RPS6KA5: variants seen among roughly 807,000 people sequenced by gnomAD.
The protein encoded by RPS6KA5 is ribosomal protein S6 kinase alpha-5.
Under a neutral mutation model 85.5 loss-of-function variants are expected in RPS6KA5, and 27 were observed. That is an observed-to-expected ratio of 0.32 (90% confidence interval 0.23 to 0.44). The LOEUF (loss-of-function observed/expected upper bound fraction) is 0.44, where lower values mean the gene tolerates loss of function less well. RPS6KA5 is among the 20% of genes least tolerant of loss of function. The pLI, the probability that RPS6KA5 is intolerant of heterozygous loss-of-function variation, is 1.00. For synonymous variants in RPS6KA5, 334 were observed against 348.2 expected (o/e 0.96, Z 0.46); for missense variants, 811 against 980.9 (o/e 0.83, Z 2.31).
At chr14:90,988,827 A>G (rs1433337798) in intron 2 of RPS6KA5, among the ~76,000 whole-genome samples, 1 of 152,138 alleles carries the variant, frequency 6.6e-6, no homozygotes, top group African/African-American at 2.4e-5. Context: ...AAATAAATAA[A>G]TAAATAAATA....
Position 90,906,188 on chromosome 14 carries a change from T to G in RPS6KA5, c.918A>C (p.Pro306=). Residue 306 remains proline, a synonymous_variant, in exon 8 of 17, where the codon CCA becomes CCC. Coordinates refer to ENST00000614987, the MANE Select transcript of RPS6KA5 (RefSeq NM_004755.4). ...GTTCTTTGATTTCATCTGCATCACGTGGACCACATCCCAATCTCTTCTTGG... is the reference window on the plus strand; with the variant it reads ...GTTCTTTGATTTCATCTGCATCACGGGGACCACATCCCAATCTCTTCTTGG... ...KDPKKRLGCG[P]RDADEIKEHL... is the part of the protein sequence containing the mutation. 1 of 1,612,366 alleles carries G rather than the reference T, an allele frequency of 6.2e-7. No individual in the cohort carries two copies. Among genetic ancestry groups the G allele is most frequent in the Non-Finnish European group, 8.5e-7 (1 of 1,178,736 alleles).
chr14:91,016,866 C>CAAAAAAA (rs34806962), intron 1 of RPS6KA5, among the ~76,000 whole-genome samples: 1 of 120,798 alleles, frequency 8.3e-6, no homozygotes. Flanking sequence ...TCTAAACAGG[C>CAAAAAAA]AAAAAAAAAA....
At chr14:90,971,053 C>T (rs2140453509) in intron 3 of RPS6KA5, among the ~76,000 whole-genome samples, 1 of 152,238 alleles carries the variant, frequency 6.6e-6, no homozygotes, top group African/African-American at 2.4e-5. Flanking sequence ...CACGGTGGCT[C>T]ATGCCTGGAA....
rs561985320 is a variant in RPS6KA5, at chr14:90,858,790, A to C, written c.*13284T>G. The C allele has an allele frequency of 6.6e-6, 1 of 152,350 alleles. No individual in the cohort carries two copies. Among genetic ancestry groups the C allele is most frequent in the African/African-American group, 2.4e-5 (1 of 41,588 alleles). 9.4% of individuals were successfully genotyped at this position (152,350 alleles called of 1,614,324 possible). ...CTTCTTCAAGGCACTGCAAATTCAC[A>C]ACACAGGGAAATAAATACCTAGCAG... is the stretch of plus-strand genomic sequence containing the variant. On this transcript the variant is annotated 3_prime_UTR_variant, in exon 17 of 17. Coordinates refer to ENST00000614987, the MANE Select transcript of RPS6KA5 (RefSeq NM_004755.4).
At chr14:91,020,359 C>A (rs565183145) in intron 1 of RPS6KA5, among the ~76,000 whole-genome samples, 13 of 152,064 alleles carry the variant, frequency 8.5e-5, no homozygotes, top group Non-Finnish European at 1.6e-4. Flanking sequence ...AATTTACATA[C>A]AATTTACATT....
Position 90,853,512 on chromosome 14 carries a change from C to T in RPS6KA5, c.*18562G>A, listed in dbSNP as rs1238364852. On this transcript the variant is annotated 3_prime_UTR_variant, in exon 17 of 17. Transcript: ENST00000614987. ...AAAAAAACCCAAAAACAAAACAAAG[C>T]ATCAATGGATGTTTTAAATACCTAA... is the stretch of plus-strand genomic sequence containing the variant. The T allele has an allele frequency of 6.6e-6, 1 of 151,408 alleles. No individual in the cohort carries two copies. The highest frequency in any genetic ancestry group is 2.4e-5 in the African/African-American group (1 of 41,284). 9.4% of individuals were successfully genotyped at this position (151,408 alleles called of 1,614,324 possible). A position where few individuals can be genotyped will look rare whatever the true frequency, so the allele number is the denominator to read the frequency against.
At chr14:90,982,117 G>A (rs1457607837) in intron 2 of RPS6KA5, among the ~76,000 whole-genome samples, 1 of 152,216 alleles carries the variant, frequency 6.6e-6, no homozygotes, top group Non-Finnish European at 1.5e-5. Context: ...ACTGGAACTG[G>A]TGGCAATATT....
At position 91,060,479 on chromosome 14, in the gene RPS6KA5, C is replaced by A; in HGVS notation, c.-45G>T. 7.4e-7 allele frequency: 1 copy of A among 1,343,488 alleles called. No individual in the cohort carries two copies. The highest frequency in any genetic ancestry group is 9.7e-7 in the Non-Finnish European group (1 of 1,035,824). 83.2% of individuals were successfully genotyped at this position (1,343,488 alleles called of 1,614,324 possible). On this transcript the variant is annotated 5_prime_UTR_variant, in exon 1 of 17. Coordinates refer to ENST00000614987, the MANE Select transcript of RPS6KA5 (RefSeq NM_004755.4). ...CCCGCGGGTCGCTACGAGGGGAACC[C>A]AGGAGACAGCGGACGCCCGTCCCCT... is the stretch of plus-strand genomic sequence containing the variant.
chr14:91,060,132 A>C, intron 1 of RPS6KA5, 200 bp downstream of exon 1: 1 of 984,860 alleles, frequency 1.0e-6, no homozygotes, highest in Non-Finnish European at 1.2e-6. Context: ...GCTGGGGAAA[A>C]CTTTCGGCCG....
At chr14:91,014,515 A>C (rs1329354630) in intron 1 of RPS6KA5, among the ~76,000 whole-genome samples, 1 of 151,444 alleles carries the variant, frequency 6.6e-6, no homozygotes, top group Non-Finnish European at 1.5e-5. Context: ...AAAAAAAAAA[A>C]CAAAAAACAA....
chr14:90,900,036 A>T (rs2035075895), intron 11 of RPS6KA5, 72 bp downstream of exon 11: 1 of 1,305,154 alleles, frequency 7.7e-7, no homozygotes, highest in Non-Finnish European at 1.0e-6. Flanking sequence ...GGTTTCAATT[A>T]AAATAAATAT....
At chr14:90,914,116 G>A (rs2035976499) in intron 7 of RPS6KA5, among the ~76,000 whole-genome samples, 1 of 152,030 alleles carries the variant, frequency 6.6e-6, no homozygotes, top group East Asian at 1.9e-4. Flanking sequence ...TAGACTCTGG[G>A]TTGACTGTAG....
chr14:90,974,813 C>A (rs1233843875), intron 3 of RPS6KA5, among the ~76,000 whole-genome samples: 1 of 152,220 alleles, frequency 6.6e-6, no homozygotes, highest in Admixed American at 6.5e-5. Flanking sequence ...GAGAACTGCT[C>A]AGCCAACCCA....
chr14:91,001,120 T>C lies in RPS6KA5; in HGVS notation c.143A>G (p.Asn48Ser). The C allele has an allele frequency of 6.2e-7, 1 of 1,603,296 alleles. No individual in the cohort carries two copies. The highest frequency in any genetic ancestry group is 8.5e-7 in the Non-Finnish European group (1 of 1,174,948). ...TCCTAGGACCTTCAGGAGCTCAAAA[T>C]TTTCTATTCCCACCTTCTCAGCATG... ...TGHAEKVGIE[N>S]FELLKVLGTG... Residue 48 changes from asparagine to serine, a missense_variant, in exon 2 of 17, where the codon AAT becomes AGT. Asn to Ser is a conservative substitution (Grantham distance 46). Coordinates refer to ENST00000614987, the MANE Select transcript of RPS6KA5 (RefSeq NM_004755.4).
chr14:90,994,648 T>G (rs1269496758), intron 2 of RPS6KA5, among the ~76,000 whole-genome samples: 1 of 141,640 alleles, frequency 7.1e-6, no homozygotes. Context: ...CTCAGCTCAC[T>G]GCAAGCTCCG....
At chr14:90,886,165 G>T (rs994074130) in intron 14 of RPS6KA5, among the ~76,000 whole-genome samples, 2 of 151,896 alleles carry the variant, frequency 1.3e-5, no homozygotes, top group Non-Finnish European at 2.9e-5. Flanking sequence ...GTGCACACTA[G>T]AAATAATTAG....
At chr14:90,960,517 T>C (rs1232175277) in intron 3 of RPS6KA5, among the ~76,000 whole-genome samples, 2 of 152,188 alleles carry the variant, frequency 1.3e-5, no homozygotes, top group East Asian at 1.9e-4. Context: ...CTCAGCTTTA[T>C]AGCCTAAGGA....
intron 14 of RPS6KA5, among the ~76,000 whole-genome samples, chr14:90,885,177 T>C (rs889606648): frequency 1.4e-5 from 2 of 147,964 alleles, no homozygotes; most frequent in African/African-American, 5.0e-5. Context: ...CACCTCAGCC[T>C]GGGAGGTCGA....
At chr14:90,914,228 C>T (rs761659113) in intron 7 of RPS6KA5, among the ~76,000 whole-genome samples, 10 of 149,280 alleles carry the variant, frequency 6.7e-5, no homozygotes, top group Non-Finnish European at 1.5e-4. Context: ...CGGTGAGAGA[C>T]TAAGAAGGCC....
Sources: allele counts gnomAD v4.1 joint callset (sites outside exome capture counted in the v4.1 genomes callset), GRCh38; gene constraint gnomAD v4.1.1; transcripts MANE v1.5; gene names NCBI Gene and HGNC (gene_info 2026-07-23, HGNC 2026-07-21).